IL1RAPL2: variants seen among roughly 807,000 people sequenced by gnomAD.
IL1RAPL2 encodes interleukin 1 receptor accessory protein like 2.
IL1RAPL2 carries 3 observed loss-of-function variants against 44.1 expected under a neutral mutation model. That is an observed-to-expected ratio of 0.07 (90% CI 0.03 to 0.18). The LOEUF (loss-of-function observed/expected upper bound fraction) is 0.18, where lower values mean the gene tolerates loss of function less well. Among genes scored for constraint, IL1RAPL2 ranks in the 10% least tolerant of loss-of-function variants. The pLI, the probability that IL1RAPL2 is intolerant of heterozygous loss-of-function variation, is 1.00. For missense variants in IL1RAPL2, 391 were observed against 496.4 expected (o/e 0.79, Z 2.02); for synonymous variants, 181 against 178.8 (o/e 1.01, Z -0.10).
At chrX:104,967,273 A>G (rs1014726795) in intron 2 of IL1RAPL2, among the ~76,000 whole-genome samples, 1 of 111,512 alleles carries the variant, frequency 9.0e-6, no homozygotes, top group Admixed American at 9.6e-5. Context: ...TTTAAAACAC[A>G]CTTTTAGAAA....
chrX:105,030,973 G>A (rs1427859888), intron 2 of IL1RAPL2, among the ~76,000 whole-genome samples: 2 of 110,576 alleles, frequency 1.8e-5, no homozygotes, highest in Non-Finnish European at 3.8e-5. Flanking sequence ...CTTGTAAGTT[G>A]GATTCCTAGG....
intron 5 of IL1RAPL2, among the ~76,000 whole-genome samples, chrX:105,381,538 T>C (rs1278876265): frequency 3.6e-5 from 4 of 111,727 alleles, no homozygotes; most frequent in Admixed American, 1.9e-4. Flanking sequence ...GGAGATTAGA[T>C]AGGAGATGTT....
chrX:105,479,525 A>G, intron 5 of IL1RAPL2, among the ~76,000 whole-genome samples: 1 of 110,082 alleles, frequency 9.1e-6, no homozygotes, highest in East Asian at 2.9e-4. Context: ...GGATTACCTG[A>G]GGTCGGGAGT....
intron 4 of IL1RAPL2, among the ~76,000 whole-genome samples, chrX:105,256,348 A>T (rs185173178): frequency 0.027 from 2,571 of 95,078 alleles, 84 homozygotes; most frequent in African/African-American, 0.095. Flanking sequence ...TTTTTTTTTG[A>T]GACGGAGTCT....
intron 2 of IL1RAPL2, among the ~76,000 whole-genome samples, chrX:105,040,988 T>A (rs2031724398): frequency 9.9e-6 from 1 of 101,009 alleles, no homozygotes; most frequent in Non-Finnish European, 2.0e-5. Context: ...CAATTTTGGA[T>A]CTTTCCTGCT....
At chrX:105,273,281 G>A (rs895330741) in intron 5 of IL1RAPL2, among the ~76,000 whole-genome samples, 3 of 110,809 alleles carry the variant, frequency 2.7e-5, no homozygotes, top group Admixed American at 9.6e-5. Flanking sequence ...GGACTCATAA[G>A]CAAGTTTGTC....
chrX:105,436,588 T>A (rs1242111438), intron 5 of IL1RAPL2, among the ~76,000 whole-genome samples: 2 of 111,101 alleles, frequency 1.8e-5, no homozygotes, highest in Non-Finnish European at 3.8e-5. Context: ...AAAGTTTAAA[T>A]GACTGATAAT....
intron 2 of IL1RAPL2, among the ~76,000 whole-genome samples, chrX:105,080,237 G>T (rs750479627): frequency 8.9e-6 from 1 of 111,732 alleles, no homozygotes; most frequent in Non-Finnish European, 1.9e-5. Context: ...TATCCCATTT[G>T]TCTATTTTGG....
intron 1 of IL1RAPL2, among the ~76,000 whole-genome samples, chrX:104,586,054 A>G (rs7060970): frequency 0.012 from 1,388 of 111,991 alleles, 31 homozygotes; most frequent in African/African-American, 0.042. Context: ...CATTTACACT[A>G]CCACCAACAG....
At position 105,058,943 on chromosome X, in the gene IL1RAPL2, G is replaced by A. The variant is rs757734815; in HGVS notation, c.83-136532G>A. Among the ~76,000 whole-genome samples, 3 of 111,293 alleles carry A rather than the reference G, an allele frequency of 2.7e-5. No homozygotes were observed. The South Asian group carries it at 1.1e-3, about 42-fold the overall frequency. On this transcript the variant is annotated intron_variant, in intron 2 of 10. Transcript: ENST00000372582. ...TGAACAACATGAGGGTTGGGGCAGT[G>A]ACACCTCTTGCAGTCAAAAATCCAT...
intron 4 of IL1RAPL2, among the ~76,000 whole-genome samples, chrX:105,260,031 C>T (rs1017956795): frequency 1.2e-4 from 14 of 112,256 alleles, no homozygotes; most frequent in African/African-American, 2.9e-4. Flanking sequence ...GCTTCATCCC[C>T]GGGAGATATG....
At chrX:104,973,944 T>C (rs1602862719) in intron 2 of IL1RAPL2, among the ~76,000 whole-genome samples, 1 of 112,249 alleles carries the variant, frequency 8.9e-6, no homozygotes, top group East Asian at 2.8e-4. Context: ...TCTCTCTTTT[T>C]TACACATTTG....
intron 6 of IL1RAPL2, among the ~76,000 whole-genome samples, chrX:105,695,713 T>TA (rs775690190): frequency 9.0e-6 from 1 of 111,442 alleles, no homozygotes. Context: ...CCATATCATT[T>TA]AGTCATCACA....
chrX:104,820,189 G>A (rs17347021), intron 2 of IL1RAPL2, among the ~76,000 whole-genome samples: 7,259 of 111,157 alleles, frequency 0.065, 206 homozygotes, highest in South Asian at 0.11. Flanking sequence ...GTCTCTTATC[G>A]TTGTTAAAGT....
At chrX:105,602,634 A>G (rs2037261899) in intron 6 of IL1RAPL2, among the ~76,000 whole-genome samples, 1 of 110,765 alleles carries the variant, frequency 9.0e-6, no homozygotes, top group South Asian at 3.8e-4. Context: ...TAAGCACTTT[A>G]TACTCAAATG....
At chrX:104,925,493 C>T (rs1318842442) in intron 2 of IL1RAPL2, among the ~76,000 whole-genome samples, 1 of 111,634 alleles carries the variant, frequency 9.0e-6, no homozygotes, top group East Asian at 2.8e-4. Flanking sequence ...ATCAAAAAAG[C>T]TAATCCACCA....
At chrX:104,697,208 G>A (rs1012021361) in intron 2 of IL1RAPL2, among the ~76,000 whole-genome samples, 22 of 112,397 alleles carry the variant, frequency 2.0e-4, no homozygotes, top group African/African-American at 7.1e-4. Context: ...TGCATGAGCC[G>A]GGATAATTTG....
At chrX:105,151,015 A>G (rs2033222071) in intron 2 of IL1RAPL2, among the ~76,000 whole-genome samples, 1 of 112,179 alleles carries the variant, frequency 8.9e-6, no homozygotes, top group African/African-American at 3.2e-5. Flanking sequence ...TTTGCTATAT[A>G]TTTTCAAGTT....
At position 105,504,688 on chromosome X, in the gene IL1RAPL2, A is replaced by G. The variant is rs549752283; in HGVS notation, c.772+20301A>G. On this transcript the variant is annotated intron_variant, in intron 6 of 10. Transcript: ENST00000372582. The stretch of plus-strand genomic sequence containing the variant: ...TACCTTAGCCAAACAAATTGTGAAG[A>G]AAATAAGTAGTTTGGGAAGTAGAGC... 2.3e-4 allele frequency among the ~76,000 whole-genome samples: 26 copies of G among 111,929 alleles called. 1 individual carries two copies. The South Asian group carries it at 7.7e-3, about 33-fold the overall frequency.
Sources: gnomAD v4.1 joint callset for allele counts (sites outside exome capture counted in the v4.1 genomes callset) on GRCh38, gnomAD v4.1.1 for gene constraint, MANE v1.5 for transcripts, NCBI Gene and HGNC (gene_info 2026-07-23, HGNC 2026-07-21) for gene names.